PDE11A: variants seen among roughly 807,000 people sequenced by gnomAD.
PDE11A encodes the protein phosphodiesterase 11A, also known as dual 3',5'-cyclic-AMP and -GMP phosphodiesterase 11A.
In PDE11A, 100 loss-of-function variants were observed where a neutral mutation model predicts 100.5. That is an observed-to-expected ratio of 1.00 (90% CI 0.85 to 1.18). PDE11A has a LOEUF of 1.18. Ranked by LOEUF, PDE11A falls within the 50% of genes most tolerant of loss-of-function variation. The pLI is 0.00. For synonymous variants in PDE11A, 381 were observed against 420.8 expected (o/e 0.91, Z 1.16); for missense variants, 1,141 against 1,152.6 (o/e 0.99, Z 0.15).
At position 177,624,779 on chromosome 2, in the gene PDE11A, G is replaced by C. The variant is rs1350573619; in HGVS notation, c.*4628C>G. ...TAAAATTGTTTTTTATGAAATAAAA[G>C]GACATATAAGGTGGGTGTGGTGGTT... On this transcript the variant is annotated 3_prime_UTR_variant, in exon 20 of 20. Transcript: ENST00000286063. The C allele has an allele frequency of 6.6e-6, 1 of 152,204 alleles. No individual in the cohort carries two copies. The highest frequency in any genetic ancestry group is 2.4e-5 in the African/African-American group (1 of 41,454). 9.4% of individuals were successfully genotyped at this position (152,204 alleles called of 1,614,324 possible). A position where few individuals can be genotyped will look rare whatever the true frequency, so the allele number is the denominator to read the frequency against.
intron 5 of PDE11A, among the ~76,000 whole-genome samples, chr2:177,874,142 CAG>C (rs1169324148): frequency 1.3e-5 from 2 of 152,214 alleles, no homozygotes; most frequent in African/African-American, 4.8e-5. Context: ...AATCAAAGTT[CAG>C]AGGTTGGGAG....
At chr2:177,983,739 A>C (rs2085910277) in intron 2 of PDE11A, among the ~76,000 whole-genome samples, 1 of 152,214 alleles carries the variant, frequency 6.6e-6, no homozygotes, top group African/African-American at 2.4e-5. Flanking sequence ...GCACTGATGA[A>C]TTTATCATTG....
chr2:177,726,344 TGAAAACCCACCAAGTACATGACAGA>T (rs2081599075), intron 12 of PDE11A, among the ~76,000 whole-genome samples: 1 of 152,126 alleles, frequency 6.6e-6, no homozygotes, highest in Non-Finnish European at 1.5e-5. Flanking sequence ...ATACATTTTT[TGAAAACCCACCAAGTACATGACAGA>T]GTGCAGGGTG....
rs77194665 is a variant in PDE11A at position 178,098,111 on chromosome 2, T to C, written c.162+6191A>G. On this transcript the variant is annotated intron_variant, in intron 2 of 20. Coordinates refer to the PDE11A transcript ENST00000358450. ...ATGGAAAGGCAACAGGCTGGTTTCA[T>C]ATTTCTCCAAACAATAATTCAACAT... is the stretch of plus-strand genomic sequence containing the variant. Among the ~76,000 whole-genome samples, 1,208 of 152,320 alleles carry C rather than the reference T, an allele frequency of 7.9e-3. 11 individuals carry two copies. The highest frequency in any genetic ancestry group is 0.028 in the African/African-American group (1,156 of 41,576).
intron 2 of PDE11A, among the ~76,000 whole-genome samples, chr2:177,928,871 AT>A (rs66807086): frequency 0.067 from 10,250 of 151,948 alleles, 341 homozygotes; most frequent in Non-Finnish European, 0.087. Context: ...TCAAAAAAAA[AT>A]AAATACATAA....
chr2:177,748,624 T>A (rs989203379), intron 10 of PDE11A, among the ~76,000 whole-genome samples: 8 of 127,574 alleles, frequency 6.3e-5, no homozygotes, highest in African/African-American at 2.2e-4. Context: ...ACTATAGGCA[T>A]GAGACAGCAG....
intron 15 of PDE11A, among the ~76,000 whole-genome samples, chr2:177,688,472 C>T (rs2080990756): frequency 6.6e-6 from 1 of 152,182 alleles, no homozygotes; most frequent in African/African-American, 2.4e-5. Flanking sequence ...CTGTTAGAAA[C>T]AGGGGCATTT....
intron 4 of PDE11A, among the ~76,000 whole-genome samples, chr2:177,877,902 C>T (rs531319842): frequency 5.9e-5 from 9 of 152,212 alleles, no homozygotes; most frequent in South Asian, 4.2e-4. Context: ...TTTCCTTAGC[C>T]GTACGCAGTC....
chr2:177,736,820 G>A (rs2081791133), intron 10 of PDE11A, among the ~76,000 whole-genome samples: 1 of 152,164 alleles, frequency 6.6e-6, no homozygotes, highest in South Asian at 2.1e-4. Flanking sequence ...CCATGGAAGA[G>A]CGGTAAGGAC....
At chr2:177,674,448 C>T (rs989139680) in intron 17 of PDE11A, among the ~76,000 whole-genome samples, 14 of 152,204 alleles carry the variant, frequency 9.2e-5, no homozygotes, top group Non-Finnish European at 1.8e-4. Context: ...TTCCTTTGCT[C>T]ACGGCTGCAT....
chr2:177,642,490 T>C (rs1384734254), intron 19 of PDE11A, among the ~76,000 whole-genome samples: 1 of 152,256 alleles, frequency 6.6e-6, no homozygotes, highest in Non-Finnish European at 1.5e-5. Context: ...GCTTTATAAT[T>C]CCTGCCCTGT....
intron 2 of PDE11A, among the ~76,000 whole-genome samples, chr2:177,987,007 A>G (rs532619738): frequency 4.3e-4 from 66 of 152,314 alleles, no homozygotes; most frequent in African/African-American, 1.5e-3. Context: ...TTTCTCAGCA[A>G]ACTTTCTGCA....
At chr2:177,998,245 G>T in intron 2 of PDE11A, 1 of 832,668 alleles carries the variant, frequency 1.2e-6, no homozygotes, top group Non-Finnish European at 2.1e-6. Flanking sequence ...GATTCAGTTA[G>T]TATAAGCTCT....
At position 178,001,599 on chromosome 2, in the gene PDE11A, C is replaced by A. The variant is rs2086146154; in HGVS notation, c.1071+12703G>T. ...TTTCTAGGTCTCTAGAACATACAACCTACCTTTGCATTAATAAAGTATGAA... is the reference window on the plus strand; with the variant it reads ...TTTCTAGGTCTCTAGAACATACAACATACCTTTGCATTAATAAAGTATGAA... On this transcript the variant is annotated intron_variant, in intron 2 of 19. Transcript: ENST00000286063. 2.0e-5 allele frequency among the ~76,000 whole-genome samples: 3 copies of A among 152,114 alleles called. No individual in the cohort carries two copies. The South Asian group carries it at 6.2e-4, about 31-fold the overall frequency.
chr2:177,944,846 C>CTCTCCCTCTCCCCACGG (rs2085387086), intron 2 of PDE11A, among the ~76,000 whole-genome samples: 1 of 133,906 alleles, frequency 7.5e-6, no homozygotes, highest in African/African-American at 2.6e-5. Context: ...CTCCGTCTCC[C>CTCTCCCTCTCCCCACGG]TCTCCCTCTC....
At chr2:177,944,852 C>T (rs867212393) in intron 2 of PDE11A, among the ~76,000 whole-genome samples, 1 of 138,620 alleles carries the variant, frequency 7.2e-6, no homozygotes, top group South Asian at 2.4e-4. Context: ...CTCCCTCTCC[C>T]TCTCCCCACG....
In PDE11A at chr2:177,980,109, TCA is replaced by T. The variant is rs1559030818; in HGVS notation, c.1071+34191_1071+34192del. ...ACTATGGGTCACAGTCAAAAAAGTT[TCA>T]AACCTACTGCTTTAAGGTAGACCAA... is the stretch of plus-strand genomic sequence containing the variant. On this transcript the variant is annotated intron_variant, in intron 2 of 19. Coordinates refer to ENST00000286063, the MANE Select transcript of PDE11A (RefSeq NM_016953.4). 1.3e-5 allele frequency among the ~76,000 whole-genome samples: 2 copies of T among 149,966 alleles called. 1 individual carries two copies. Among genetic ancestry groups the T allele is most frequent in the Non-Finnish European group, 3.0e-5 (2 of 66,982 alleles).
At chr2:177,728,305 A>G in intron 10 of PDE11A, 133 bp from the exon 11 acceptor site, 1 of 609,072 alleles carries the variant, frequency 1.6e-6, no homozygotes, top group Non-Finnish European at 3.0e-6. Context: ...GATACAGCTA[A>G]ACTCTGAGCT....
chr2:177,659,267 G>GA (rs71010812), intron 19 of PDE11A, among the ~76,000 whole-genome samples: 5,577 of 127,844 alleles, frequency 0.044, 291 homozygotes, highest in African/African-American at 0.13. Context: ...ATCTCAGGGG[G>GA]AAAAAAAAAA....
Sources: allele counts gnomAD v4.1 joint callset (sites outside exome capture counted in the v4.1 genomes callset), GRCh38; gene constraint gnomAD v4.1.1; transcripts MANE v1.5; gene names NCBI Gene and HGNC (gene_info 2026-07-23, HGNC 2026-07-21).